The following DACH1 variants were observed in gnomAD, a reference collection of about 807,000 sequenced individuals.
DACH1 encodes dachshund homolog 1.
Under a neutral mutation model 54.2 loss-of-function variants are expected in DACH1, and 12 were observed. The observed-to-expected ratio is 0.22, with a 90% CI of 0.14 to 0.36. The LOEUF (loss-of-function observed/expected upper bound fraction) is 0.36. Among genes scored for constraint, DACH1 ranks in the 10% least tolerant of loss-of-function variants. The pLI, the probability that DACH1 is intolerant of heterozygous loss-of-function variation, is 1.00. For missense variants in DACH1, 805 were observed against 929.8 expected, an observed-to-expected ratio of 0.87 and a Z score of 1.75; for synonymous variants, 386 against 366.2, an observed-to-expected ratio of 1.05 and a Z score of -0.62.
intron 1 of DACH1, among the ~76,000 whole-genome samples, chr13:71,834,322 G>C (rs898720005): frequency 1.3e-5 from 2 of 151,984 alleles, no homozygotes; most frequent in Admixed American, 6.6e-5. Context: ...CAAACGTTAT[G>C]ATATAAAAAC....
chr13:71,793,974 A>T (rs1886935711), intron 1 of DACH1, among the ~76,000 whole-genome samples: 1 of 151,984 alleles, frequency 6.6e-6, no homozygotes, highest in African/African-American at 2.4e-5. Context: ...TCCATTAATA[A>T]TTTTTTCAAT....
intron 6 of DACH1, among the ~76,000 whole-genome samples, chr13:71,514,859 A>G (rs1025381113): frequency 2.6e-5 from 4 of 151,944 alleles, no homozygotes; most frequent in African/African-American, 7.2e-5. Flanking sequence ...TTGTCAGCTT[A>G]TATGTAAAAT....
chr13:71,615,138 C>A (rs1328982438), intron 3 of DACH1, among the ~76,000 whole-genome samples: 1 of 151,798 alleles, frequency 6.6e-6, no homozygotes, highest in African/African-American at 2.4e-5. Context: ...ACTATAAAAG[C>A]TTATGTTCTA....
At chr13:71,556,384 C>T (rs935386531) in intron 6 of DACH1, among the ~76,000 whole-genome samples, 5 of 152,090 alleles carry the variant, frequency 3.3e-5, no homozygotes, top group South Asian at 2.1e-4. Context: ...TTTGAAAATA[C>T]GTATTTGCAT....
intron 6 of DACH1, among the ~76,000 whole-genome samples, chr13:71,546,912 T>G (rs925195042): frequency 2.6e-5 from 4 of 152,102 alleles, no homozygotes; most frequent in Non-Finnish European, 4.4e-5. Flanking sequence ...TTATTGGGAT[T>G]ACTTCAGTTA....
intron 6 of DACH1, among the ~76,000 whole-genome samples, chr13:71,532,232 T>C (rs1480552842): frequency 6.6e-6 from 1 of 151,946 alleles, no homozygotes; most frequent in Non-Finnish European, 1.5e-5. Flanking sequence ...TACATTGCAT[T>C]ATTAGACTAT....
intron 6 of DACH1, among the ~76,000 whole-genome samples, chr13:71,548,021 G>A (rs1323382293): frequency 1.3e-5 from 2 of 151,966 alleles, no homozygotes; most frequent in African/African-American, 4.8e-5. Flanking sequence ...TGTATGCAGG[G>A]GTATACGTGT....
At chr13:71,595,654 T>C (rs1048104661) in intron 3 of DACH1, among the ~76,000 whole-genome samples, 6 of 152,252 alleles carry the variant, frequency 3.9e-5, no homozygotes, top group African/African-American at 9.6e-5. Flanking sequence ...ACAACAAATA[T>C]AGATTTCTCA....
At chr13:71,798,361 T>TATATAC (rs56284845) in intron 1 of DACH1, among the ~76,000 whole-genome samples, 2 of 121,412 alleles carry the variant, frequency 1.6e-5, no homozygotes, top group African/African-American at 5.7e-5. Context: ...TATATATATA[T>TATATAC]ATCCATTACC....
intron 2 of DACH1, among the ~76,000 whole-genome samples, chr13:71,663,613 C>A (rs918130973): frequency 6.6e-6 from 1 of 151,852 alleles, no homozygotes; most frequent in Non-Finnish European, 1.5e-5. Context: ...GCTTACTAGC[C>A]ACCAATATTT....
intron 1 of DACH1, chr13:71,704,324 A>G: frequency 2.5e-6 from 1 of 399,000 alleles, no homozygotes; most frequent in Non-Finnish European, 4.8e-6. Flanking sequence ...TACTGTTCAA[A>G]AAGGAATGCT....
chr13:71,829,283 G>A (rs894493924), intron 1 of DACH1, among the ~76,000 whole-genome samples: 2 of 151,680 alleles, frequency 1.3e-5, no homozygotes, highest in African/African-American at 4.8e-5. Flanking sequence ...CAAAACATAT[G>A]GTAGTTTCTA....
intron 1 of DACH1, among the ~76,000 whole-genome samples, chr13:71,854,645 T>C (rs761585442): frequency 6.6e-6 from 1 of 152,010 alleles, no homozygotes; most frequent in Non-Finnish European, 1.5e-5. Flanking sequence ...AAAGTCAGAT[T>C]AGGTTGCCTT....
rs143028280 is a variant in DACH1, at chr13:71,471,809, C to T, written c.2083+3332G>A. Among the ~76,000 whole-genome samples, 679 of 151,756 alleles carry T rather than the reference C, an allele frequency of 4.5e-3. 4 individuals are homozygous for T. The highest frequency in any genetic ancestry group is 7.6e-3 in the Non-Finnish European group (518 of 67,872). ...GAAACTATGAAAGTAGATGCTGTTGCCTAAGGAGAAGGAATAAAATAAGAT... is the reference window on the plus strand; with the variant it reads ...GAAACTATGAAAGTAGATGCTGTTGTCTAAGGAGAAGGAATAAAATAAGAT... On this transcript the variant is annotated intron_variant, in intron 10 of 10. Coordinates refer to ENST00000613252, the MANE Select transcript of DACH1 (RefSeq NM_080759.6).
chr13:71,520,824 T>C lies in DACH1; in HGVS notation c.1571-31676A>G, dbSNP rs546821602. On this transcript the variant is annotated intron_variant, in intron 6 of 10. Transcript: ENST00000613252. ...AAATTTAAAATCAATATTAACATAG[T>C]GTTAATTCCAATAATATCATAGTAT... is the stretch of plus-strand genomic sequence containing the variant. Among the ~76,000 whole-genome samples, 5 of 151,960 alleles carry C rather than the reference T, an allele frequency of 3.3e-5. No homozygotes were observed. The East Asian group carries it at 9.7e-4, about 29-fold the overall frequency.
At chr13:71,526,333 C>T (rs990286045) in intron 6 of DACH1, among the ~76,000 whole-genome samples, 1 of 152,024 alleles carries the variant, frequency 6.6e-6, no homozygotes, top group African/African-American at 2.4e-5. Context: ...TTTGAATAAA[C>T]ATGTAAGGTC....
chr13:71,661,914 C>T (rs1258755235), intron 2 of DACH1, among the ~76,000 whole-genome samples: 5 of 152,030 alleles, frequency 3.3e-5, no homozygotes, highest in African/African-American at 4.8e-5. Context: ...CTGTAACCTC[C>T]GTAACTATAT....
At chr13:71,749,410 C>A (rs1372478847) in intron 1 of DACH1, among the ~76,000 whole-genome samples, 1 of 151,884 alleles carries the variant, frequency 6.6e-6, no homozygotes, top group African/African-American at 2.4e-5. Context: ...TGAGAACACA[C>A]TAGATTTTTT....
chr13:71,827,609 T>C (rs1888429584), intron 1 of DACH1, among the ~76,000 whole-genome samples: 1 of 152,050 alleles, frequency 6.6e-6, no homozygotes, highest in Non-Finnish European at 1.5e-5. Flanking sequence ...TACAGAAGAA[T>C]AAGGTCATTG....
Sources: gnomAD v4.1 joint callset for allele counts (sites outside exome capture counted in the v4.1 genomes callset) on GRCh38, gnomAD v4.1.1 for gene constraint, MANE v1.5 for transcripts, NCBI Gene and HGNC (gene_info 2026-07-23, HGNC 2026-07-21) for gene names.